KCNJ6: variants seen among roughly 807,000 people sequenced by gnomAD.
The protein encoded by KCNJ6 is potassium inwardly rectifying channel subfamily J member 6.
In KCNJ6, 9 loss-of-function variants were observed where a neutral mutation model predicts 34.2. The ratio of observed to expected loss-of-function variants is 0.26; its 90% CI spans 0.16 to 0.46. KCNJ6 has a LOEUF of 0.46. Ranked by LOEUF, KCNJ6 falls within the 20% of genes least tolerant of loss-of-function variation. The probability of loss-of-function intolerance (pLI) is 1.00; values close to 1 mark genes in which losing one functional copy is unlikely to be tolerated. For missense variants in KCNJ6, 236 were observed against 531.3 expected (o/e 0.44, Z 5.46); for synonymous variants, 196 against 207.1 (o/e 0.95, Z 0.46).
chr21:37,655,230 A>G (rs1423720808), intron 3 of KCNJ6, among the ~76,000 whole-genome samples: 8 of 2,578 alleles, frequency 3.1e-3, no homozygotes, highest in African/African-American at 7.4e-3. Flanking sequence ...TGTGTGAGAG[A>G]GAGAGAGAGA....
intron 3 of KCNJ6, among the ~76,000 whole-genome samples, chr21:37,668,417 A>G (rs1043190317): frequency 6.6e-6 from 1 of 151,596 alleles, no homozygotes; most frequent in African/African-American, 2.4e-5. Flanking sequence ...TCACAGGGTC[A>G]CCCCTCTGTG....
intron 2 of KCNJ6, among the ~76,000 whole-genome samples, chr21:37,740,185 T>C (rs543419519): frequency 6.6e-6 from 1 of 152,338 alleles, no homozygotes; most frequent in African/African-American, 2.4e-5. Context: ...GTGGACTTCT[T>C]CCTTGGCCAG....
chr21:37,810,154 A>C (rs190321847), intron 2 of KCNJ6, among the ~76,000 whole-genome samples: 1 of 151,932 alleles, frequency 6.6e-6, no homozygotes, highest in Non-Finnish European at 1.5e-5. Context: ...AACACACAAA[A>C]TTTTTTCAAG....
intron 2 of KCNJ6, among the ~76,000 whole-genome samples, chr21:37,732,525 A>G (rs937114586): frequency 6.6e-6 from 1 of 152,196 alleles, no homozygotes; most frequent in Non-Finnish European, 1.5e-5. Context: ...AGGAACGGGG[A>G]AGCTATTTCG....
chr21:37,801,077 T>C (rs1489386544), intron 2 of KCNJ6, among the ~76,000 whole-genome samples: 1 of 152,148 alleles, frequency 6.6e-6, no homozygotes, highest in Non-Finnish European at 1.5e-5. Flanking sequence ...CCGAACATAC[T>C]CAACCTTCTG....
chr21:37,736,983 A>T (rs546489187), intron 2 of KCNJ6, among the ~76,000 whole-genome samples: 1 of 152,344 alleles, frequency 6.6e-6, no homozygotes, highest in South Asian at 2.1e-4. Context: ...TTCTCCTGAC[A>T]TGAGTTTCCT....
rs1223747192 is a variant in KCNJ6, at chr21:37,869,334, C to T, written c.-27-28625G>A. 3.3e-5 allele frequency among the ~76,000 whole-genome samples: 5 copies of T among 152,360 alleles called. No individual in the cohort carries two copies. In the East Asian group the frequency reaches 7.7e-4, roughly 24 times the overall value. On this transcript the variant is annotated intron_variant, in intron 1 of 3. Coordinates refer to ENST00000609713, the MANE Select transcript of KCNJ6 (RefSeq NM_002240.5). ...AGCACCTACTGTATGCCAAGCATTCCTTTCTGGGTAATAATTCATAGAAAT... is the reference window on the plus strand; with the variant it reads ...AGCACCTACTGTATGCCAAGCATTCTTTTCTGGGTAATAATTCATAGAAAT...
At chr21:37,837,922 C>G (rs746332231) in intron 2 of KCNJ6, among the ~76,000 whole-genome samples, 1 of 152,080 alleles carries the variant, frequency 6.6e-6, no homozygotes, top group African/African-American at 2.4e-5. Flanking sequence ...GGTATGTTGA[C>G]CACATGATTA....
intron 1 of KCNJ6, among the ~76,000 whole-genome samples, chr21:37,870,186 A>G (rs546192683): frequency 6.6e-6 from 1 of 152,240 alleles, no homozygotes; most frequent in African/African-American, 2.4e-5. Context: ...CCAGGAAGGC[A>G]TGCAATCCAT....
At chr21:37,737,651 C>G (rs2054920029) in intron 2 of KCNJ6, among the ~76,000 whole-genome samples, 1 of 152,152 alleles carries the variant, frequency 6.6e-6, no homozygotes, top group Non-Finnish European at 1.5e-5. Flanking sequence ...AGGGTGAGGC[C>G]TGAGTGGTGT....
rs555763628 is a variant in KCNJ6, at chr21:37,811,958, G to T, written c.25+28700C>A. 5.3e-5 allele frequency among the ~76,000 whole-genome samples: 8 copies of T among 152,270 alleles called. No homozygotes were observed. In the South Asian group the frequency reaches 1.7e-3, roughly 32 times the overall value. On this transcript the variant is annotated intron_variant, in intron 2 of 3. Coordinates refer to ENST00000609713, the MANE Select transcript of KCNJ6 (RefSeq NM_002240.5). ...ACATAAAGCCATCCCAAAAAGATAAGTTGCAACACTGCCAGTTGGGCAAGA... is the reference window on the plus strand; with the variant it reads ...ACATAAAGCCATCCCAAAAAGATAATTTGCAACACTGCCAGTTGGGCAAGA...
At chr21:37,886,517 T>G (rs1248556383) in intron 1 of KCNJ6, among the ~76,000 whole-genome samples, 1 of 152,202 alleles carries the variant, frequency 6.6e-6, no homozygotes, top group Non-Finnish European at 1.5e-5. Context: ...CCTGTCCCAA[T>G]TTCAAATCAA....
chr21:37,887,125 T>C (rs1367820539), intron 1 of KCNJ6, among the ~76,000 whole-genome samples: 1 of 152,100 alleles, frequency 6.6e-6, no homozygotes, highest in African/African-American at 2.4e-5. Context: ...AGGAGTTTCC[T>C]GCATCCTGTT....
At chr21:37,699,965 C>T (rs1601425284) in intron 3 of KCNJ6, among the ~76,000 whole-genome samples, 4 of 152,158 alleles carry the variant, frequency 2.6e-5, no homozygotes, top group Admixed American at 1.3e-4. Context: ...ACATAGCGTC[C>T]GGTGGAAAGG....
intron 2 of KCNJ6, among the ~76,000 whole-genome samples, chr21:37,808,579 A>G (rs990236542): frequency 6.6e-6 from 1 of 152,260 alleles, no homozygotes; most frequent in Non-Finnish European, 1.5e-5. Flanking sequence ...TGTGTTAAAA[A>G]TCAAATTTAA....
intron 2 of KCNJ6, among the ~76,000 whole-genome samples, chr21:37,793,469 T>TTAAAGAGTGA (rs1170813911): frequency 2.7e-5 from 4 of 148,802 alleles, no homozygotes; most frequent in Non-Finnish European, 5.9e-5. Context: ...AAAGGCGTGG[T>TTAAAGAGTGA]TAAAGAGTGA....
chr21:37,655,213 GTGTGTGTGTGTGAGAGAGAGAGAGAGA>G (rs1569438837), intron 3 of KCNJ6, among the ~76,000 whole-genome samples: 3 of 54,488 alleles, frequency 5.5e-5, no homozygotes, highest in African/African-American at 1.6e-4. Context: ...GTGTGTGTGT[GTGTGTGTGTGTGAGAGAGAGAGAGAGA>G]GAGAGAGAGA....
Position 37,675,006 on chromosome 21 carries a change from C to A in KCNJ6, c.946+39205G>T, listed in dbSNP as rs914907690. Reference sequence around the variant, plus strand: ...TTCCCAGACAGCCCACCCTGCACTGCCCCTGTCCCCAAGCCTTCCAGGTGG... The same window carrying A: ...TTCCCAGACAGCCCACCCTGCACTGACCCTGTCCCCAAGCCTTCCAGGTGG... On this transcript the variant is annotated intron_variant, in intron 3 of 3. Coordinates refer to ENST00000609713, the MANE Select transcript of KCNJ6 (RefSeq NM_002240.5). This position sits in a 1 kb window ranked among gnomAD's most constrained non-coding sequence, Gnocchi z 4.2. Among the ~76,000 whole-genome samples, 3 of 152,148 alleles carry A rather than the reference C, an allele frequency of 2.0e-5. No homozygotes were observed. Among genetic ancestry groups the A allele is most frequent in the Admixed American group, 1.3e-4 (2 of 15,276 alleles).
chr21:37,879,127 T>G (rs1200516186), intron 1 of KCNJ6, among the ~76,000 whole-genome samples: 1 of 152,230 alleles, frequency 6.6e-6, no homozygotes, highest in South Asian at 2.1e-4. Context: ...AGGTGCCAAG[T>G]ACAGTAGTGA....
Sources: allele counts gnomAD v4.1 joint callset (sites outside exome capture counted in the v4.1 genomes callset), GRCh38; gene constraint gnomAD v4.1.1; non-coding constraint Gnocchi (gnomAD v3.1); transcripts MANE v1.5; gene names NCBI Gene and HGNC (gene_info 2026-07-23, HGNC 2026-07-21).